FRYL: variants seen among roughly 807,000 people sequenced by gnomAD.
The protein encoded by FRYL is FRY like transcription coactivator.
FRYL carries 150 observed loss-of-function variants against 351.2 expected under a neutral mutation model. That is an observed-to-expected ratio of 0.43 (90% CI 0.37 to 0.49). The LOEUF is 0.49. FRYL is among the 20% of genes least tolerant of loss of function. The pLI is 0.00. For synonymous variants in FRYL, 1,153 were observed against 1,257.1 expected (o/e 0.92, Z 1.75); for missense variants, 3,036 against 3,619.3 (o/e 0.84, Z 4.13).
At chr4:48,605,960 C>CA (rs1746703790) in intron 10 of FRYL, 127 bp from the exon 11 acceptor site, 1 of 617,630 alleles carries the variant, frequency 1.6e-6, no homozygotes, top group Admixed American at 3.4e-5. Context: ...ATCTTCAAGT[C>CA]AAAAAACAAA....
intron 59 of FRYL, among the ~76,000 whole-genome samples, chr4:48,509,732 T>G (rs1722083737): frequency 1.3e-5 from 2 of 152,214 alleles, no homozygotes; most frequent in Admixed American, 6.5e-5. Context: ...TGTCAGAGGT[T>G]GTGGATTTCC....
rs537978642 is a variant in FRYL, at chr4:48,581,659, C to T, written c.1987-54G>A. ...ATAAAAATATATGCACAGACATTTC[C>T]GAAAAACAGTTAATAAAAAATAAAG... On this transcript the variant is annotated intron_variant, in intron 20 of 63. Coordinates refer to ENST00000358350, the MANE Select transcript of FRYL (RefSeq NM_015030.2). 186 of 1,413,886 alleles carry T rather than the reference C, an allele frequency of 1.3e-4. No individual in the cohort carries two copies. The East Asian group carries it at 3.4e-3, about 26-fold the overall frequency. The allele number at this position is 1,413,886 out of a possible 1,614,324, so 87.6% of individuals were successfully genotyped here.
At chr4:48,686,855 T>C (rs1206398726) in intron 2 of FRYL, among the ~76,000 whole-genome samples, 2 of 152,266 alleles carry the variant, frequency 1.3e-5, no homozygotes, top group Non-Finnish European at 2.9e-5. Context: ...TTTGAATATT[T>C]GTCCAGAGTT....
intron 4 of FRYL, among the ~76,000 whole-genome samples, chr4:48,630,115 C>T (rs1208876687): frequency 6.6e-6 from 1 of 152,094 alleles, no homozygotes; most frequent in African/African-American, 2.4e-5. Context: ...ATTCAGAGTA[C>T]TGTAGGAACC....
chr4:48,525,283 A>C (rs183221046), intron 53 of FRYL, among the ~76,000 whole-genome samples: 2 of 151,768 alleles, frequency 1.3e-5, no homozygotes, highest in African/African-American at 2.4e-5. Context: ...AAAGGTGCTA[A>C]ATAATACCTG....
At chr4:48,761,753 C>G (rs1010049373) in intron 1 of FRYL, among the ~76,000 whole-genome samples, 1 of 152,090 alleles carries the variant, frequency 6.6e-6, no homozygotes, top group African/African-American at 2.4e-5. Flanking sequence ...AGTACAGTAA[C>G]ATGGTGTAAA....
intron 4 of FRYL, among the ~76,000 whole-genome samples, chr4:48,627,451 T>C (rs1350807040): frequency 6.6e-6 from 1 of 152,154 alleles, no homozygotes; most frequent in Non-Finnish European, 1.5e-5. Context: ...AACACACAGT[T>C]GCCTTATGTT....
chr4:48,597,609 A>G (rs1036713829), intron 13 of FRYL, among the ~76,000 whole-genome samples: 5 of 152,202 alleles, frequency 3.3e-5, no homozygotes, highest in African/African-American at 1.2e-4. Flanking sequence ...AAGTCCCATT[A>G]GTTTTTAGGT....
rs753093393 is a variant in FRYL, at chr4:48,579,228, T to C, written c.2273A>G (p.Tyr758Cys). The C allele has an allele frequency of 4.3e-6, 7 of 1,609,392 alleles. No individual in the cohort carries two copies. The highest frequency in any genetic ancestry group is 4.5e-5 in the East Asian group (2 of 44,840). ...TTGTAAATCTATCGAGCTAGGGCAA[T>C]AGAGCAAAGTAGTCTATATGGAGAG... Reference protein sequence around the residue: ...LTGADQTTLLYCPSSIDLQTL... With the variant: ...LTGADQTTLLCCPSSIDLQTL... Residue 758 changes from tyrosine (Y) to cysteine (C), a missense_variant, in exon 23 of 64, where the codon TAT (tyrosine) becomes TGT (cysteine). By Grantham distance (194) the Tyr-to-Cys change is radical. Coordinates refer to ENST00000358350, the MANE Select transcript of FRYL (RefSeq NM_015030.2).
rs1244664053 is a variant in FRYL at position 48,542,134 on chromosome 4, A to G, written c.5593-13T>C. 2 of 1,586,632 alleles carry G rather than the reference A, an allele frequency of 1.3e-6. No individual in the cohort carries two copies. Among genetic ancestry groups the G allele is most frequent in the South Asian group, 2.2e-5 (2 of 90,480 alleles). Reference sequence around the variant, plus strand: ...CAATCACAAATCCCTGGGGGGAAAAAGGCAGATTTTAATTAATTATGCTCT... The same window carrying G: ...CAATCACAAATCCCTGGGGGGAAAAGGGCAGATTTTAATTAATTATGCTCT... On this transcript the variant is annotated splice_polypyrimidine_tract_variant and intron_variant, in intron 44 of 63. Transcript: ENST00000358350.
At chr4:48,558,394 T>C (rs1426680387) in intron 33 of FRYL, among the ~76,000 whole-genome samples, 5 of 152,128 alleles carry the variant, frequency 3.3e-5, no homozygotes, top group African/African-American at 9.7e-5. Context: ...GTCAAATCCA[T>C]AGAAACACAA....
chr4:48,552,359 C>G (rs530263258), intron 36 of FRYL, among the ~76,000 whole-genome samples: 25 of 151,838 alleles, frequency 1.6e-4, no homozygotes, highest in African/African-American at 5.6e-4. Flanking sequence ...GGAGAAAAGA[C>G]CTACAGACGT....
intron 1 of FRYL, among the ~76,000 whole-genome samples, chr4:48,762,237 A>G (rs1376396978): frequency 6.6e-6 from 1 of 152,222 alleles, no homozygotes; most frequent in Non-Finnish European, 1.5e-5. Context: ...TGATGAAGAC[A>G]TTCCCCAAAG....
At chr4:48,770,349 A>G (rs1775388140) in intron 1 of FRYL, among the ~76,000 whole-genome samples, 1 of 152,206 alleles carries the variant, frequency 6.6e-6, no homozygotes, top group South Asian at 2.1e-4. Context: ...AAGTAGGATC[A>G]AAAACATGGA....
intron 2 of FRYL, among the ~76,000 whole-genome samples, chr4:48,699,143 T>C (rs1423095652): frequency 6.6e-6 from 1 of 152,202 alleles, no homozygotes; most frequent in Non-Finnish European, 1.5e-5. Context: ...TTTTAAAGTA[T>C]AAGCTGTTAT....
Position 48,605,740 on chromosome 4 carries a change from C to G in FRYL, c.834+1G>C, listed in dbSNP as rs2149264030. 1 of 1,570,858 alleles carries G rather than the reference C, an allele frequency of 6.4e-7. No individual in the cohort carries two copies. The highest frequency in any genetic ancestry group is 8.7e-7 in the Non-Finnish European group (1 of 1,143,022). On this transcript the variant is annotated splice_donor_variant, in intron 11 of 63. Coordinates refer to ENST00000358350, the MANE Select transcript of FRYL (RefSeq NM_015030.2). LOFTEE classifies it high-confidence loss of function. ...GGTATGAAAATAAGAAAAATACTTA[C>G]AGCAGCTACAGGGATAAGAATCTCC...
chr4:48,653,822 CAGCAGCAGCAGA>C (rs1758211911), intron 3 of FRYL: 1 of 1,286,914 alleles, frequency 7.8e-7, no homozygotes, highest in African/African-American at 1.5e-5. Context: ...GCAGCAGCAG[CAGCAGCAGCAGA>C]AGCAGAAGCA....
chr4:48,619,465 A>G, intron 6 of FRYL, 95 bp from the exon 7 acceptor site: 1 of 623,020 alleles, frequency 1.6e-6, no homozygotes, highest in Non-Finnish European at 2.7e-6. Context: ...TTTTCCTACT[A>G]TGTAAAATGT....
intron 1 of FRYL, among the ~76,000 whole-genome samples, chr4:48,764,366 CA>C (rs34737343): frequency 0.98 from 148,303 of 151,194 alleles, 72,793 homozygotes; most frequent in East Asian, 1. Context: ...CTTGTCTCTA[CA>C]AAAAAATCAA....
Sources: allele counts gnomAD v4.1 joint callset (sites outside exome capture counted in the v4.1 genomes callset), GRCh38; gene constraint gnomAD v4.1.1; transcripts MANE v1.5; gene names NCBI Gene and HGNC (gene_info 2026-07-23, HGNC 2026-07-21).